Variants in PDE11A observed in about 807,000 individuals in gnomAD.
PDE11A encodes dual 3',5'-cyclic-AMP and -GMP phosphodiesterase 11A.
Under a neutral mutation model 100.5 loss-of-function variants are expected in PDE11A, and 100 were observed. The observed-to-expected ratio is 1.00, with a 90% confidence interval of 0.85 to 1.18. The LOEUF is 1.18. Ranked by LOEUF, PDE11A falls within the 50% of genes most tolerant of loss-of-function variation. The pLI, the probability that PDE11A is intolerant of heterozygous loss-of-function variation, is 0.00. For synonymous variants in PDE11A, 381 were observed against 420.8 expected (o/e 0.91, Z 1.16); for missense variants, 1,141 against 1,152.6 (o/e 0.99, Z 0.15).
chr2:177,987,177 C>T (rs536766799), intron 2 of PDE11A, among the ~76,000 whole-genome samples: 2 of 152,026 alleles, frequency 1.3e-5, no homozygotes, highest in African/African-American at 4.8e-5. Flanking sequence ...TGCTGCTTTA[C>T]GAGGGCAGCT....
At chr2:177,801,099 T>C (rs1481676120) in intron 9 of PDE11A, among the ~76,000 whole-genome samples, 1 of 152,228 alleles carries the variant, frequency 6.6e-6, no homozygotes, top group Admixed American at 6.5e-5. Flanking sequence ...GAAAACCATA[T>C]AGGCAAAATA....
chr2:177,803,446 T>C (rs2082822532), intron 9 of PDE11A, among the ~76,000 whole-genome samples: 1 of 151,790 alleles, frequency 6.6e-6, no homozygotes, highest in Non-Finnish European at 1.5e-5. Context: ...TTCCTAACAC[T>C]TTCTACAAGG....
chr2:177,969,525 G>A (rs2043548), intron 2 of PDE11A, among the ~76,000 whole-genome samples: 9,564 of 152,198 alleles, frequency 0.063, 315 homozygotes, highest in South Asian at 0.094. Flanking sequence ...GCACTATATT[G>A]TTAAGCTGTG....
At chr2:177,912,323 T>C (rs982821318) in intron 2 of PDE11A, among the ~76,000 whole-genome samples, 2 of 152,140 alleles carry the variant, frequency 1.3e-5, no homozygotes, top group Non-Finnish European at 2.9e-5. Flanking sequence ...CTTCCACTAC[T>C]CTAGCCCCTC....
At chr2:177,825,886 T>G (rs2105595571) in intron 6 of PDE11A, among the ~76,000 whole-genome samples, 1 of 152,344 alleles carries the variant, frequency 6.6e-6, no homozygotes, top group Admixed American at 6.5e-5. Flanking sequence ...ATTCTCATCT[T>G]TGTGCTTTTT....
chr2:177,788,321 A>G (rs2082572316), intron 9 of PDE11A, among the ~76,000 whole-genome samples: 1 of 144,844 alleles, frequency 6.9e-6, no homozygotes, highest in Admixed American at 6.8e-5. Flanking sequence ...GCAGAAATAA[A>G]GATGTTCTTT....
intron 3 of PDE11A, among the ~76,000 whole-genome samples, chr2:177,900,049 T>C (rs1437717486): frequency 6.6e-6 from 1 of 152,124 alleles, no homozygotes; most frequent in Non-Finnish European, 1.5e-5. Context: ...TTTTTTTGCA[T>C]TGAAATAATG....
intron 9 of PDE11A, among the ~76,000 whole-genome samples, chr2:177,784,908 G>T (rs2082510042): frequency 6.6e-6 from 1 of 152,156 alleles, no homozygotes; most frequent in African/African-American, 2.4e-5. Flanking sequence ...CTATTTGCAG[G>T]GGTCAGTGGT....
At position 177,626,905 on chromosome 2, in the gene PDE11A, T is replaced by C. The variant is rs2079841323; in HGVS notation, c.*2502A>G. The C allele has an allele frequency of 6.6e-6, 1 of 151,448 alleles. No homozygotes were observed. The allele number at this position is 151,448 out of a possible 1,614,324, so 9.4% of individuals were successfully genotyped here. On this transcript the variant is annotated 3_prime_UTR_variant, in exon 20 of 20. Coordinates refer to ENST00000286063, the MANE Select transcript of PDE11A (RefSeq NM_016953.4). ...TGTTTGGATTGACTTTCACCTTTTT[T>C]TTTTTTTTTTCATTTCCCTTAACCA...
intron 2 of PDE11A, among the ~76,000 whole-genome samples, chr2:177,915,906 G>A (rs945366681): frequency 6.6e-6 from 1 of 152,084 alleles, no homozygotes; most frequent in African/African-American, 2.4e-5. Context: ...ATCTACATCT[G>A]CTTCGCTTCA....
At chr2:177,888,456 A>G (rs1174343817) in intron 4 of PDE11A, among the ~76,000 whole-genome samples, 1 of 152,252 alleles carries the variant, frequency 6.6e-6, no homozygotes, top group Non-Finnish European at 1.5e-5. Flanking sequence ...TTCTAGATGG[A>G]TAAAAAAGAC....
intron 2 of PDE11A, among the ~76,000 whole-genome samples, chr2:177,949,531 C>T (rs147914362): frequency 6.6e-6 from 1 of 152,292 alleles, no homozygotes; most frequent in East Asian, 1.9e-4. Flanking sequence ...TTCAGAGCTT[C>T]TCCAGCCTGC....
intron 2 of PDE11A, among the ~76,000 whole-genome samples, chr2:178,012,758 T>C (rs2086287019): frequency 6.6e-6 from 1 of 152,018 alleles, no homozygotes; most frequent in Non-Finnish European, 1.5e-5. Context: ...ATATAATGAG[T>C]TCCTTTTAAA....
intron 10 of PDE11A, among the ~76,000 whole-genome samples, chr2:177,756,519 G>GA (rs2082092448): frequency 2.0e-5 from 3 of 152,170 alleles, no homozygotes; most frequent in Admixed American, 1.3e-4. Flanking sequence ...GTGGTTTACG[G>GA]AGTTGTTTGA....
In PDE11A at chr2:178,086,173, C is replaced by T. The variant is rs564906769; in HGVS notation, c.162+18129G>A. Among the ~76,000 whole-genome samples, 35 of 152,318 alleles carry T rather than the reference C, an allele frequency of 2.3e-4. No homozygotes were observed. The South Asian group carries it at 6.4e-3, about 28-fold the overall frequency. ...TCTCTCTGCATAAGGTTTCTCCACACGCTGTTTCCAGCAGGACTGCCGACC... is the reference window on the plus strand; with the variant it reads ...TCTCTCTGCATAAGGTTTCTCCACATGCTGTTTCCAGCAGGACTGCCGACC... On this transcript the variant is annotated intron_variant, in intron 2 of 20. Coordinates refer to the PDE11A transcript ENST00000358450.
At chr2:177,988,117 G>A (rs2085962167) in intron 2 of PDE11A, among the ~76,000 whole-genome samples, 1 of 152,136 alleles carries the variant, frequency 6.6e-6, no homozygotes, top group Admixed American at 6.6e-5. Flanking sequence ...AGCAACCCAG[G>A]CCTGGATCAA....
chr2:177,902,125 G>A (rs1277217531), intron 3 of PDE11A, among the ~76,000 whole-genome samples: 1 of 152,184 alleles, frequency 6.6e-6, no homozygotes, highest in Non-Finnish European at 1.5e-5. Flanking sequence ...TATACATCCA[G>A]ATGGTCTGAA....
At chr2:177,991,740 T>C (rs1264315290) in intron 2 of PDE11A, among the ~76,000 whole-genome samples, 1 of 151,214 alleles carries the variant, frequency 6.6e-6, no homozygotes, top group Non-Finnish European at 1.5e-5. Flanking sequence ...AACTTTTTCA[T>C]GGCTGGTCAG....
intron 19 of PDE11A, among the ~76,000 whole-genome samples, chr2:177,645,329 G>A (rs923706218): frequency 6.6e-6 from 1 of 152,160 alleles, no homozygotes; most frequent in Non-Finnish European, 1.5e-5. Flanking sequence ...GGAATTTCAG[G>A]TGTGTGTCAC....
Sources: allele counts gnomAD v4.1 joint callset (sites outside exome capture counted in the v4.1 genomes callset), GRCh38; gene constraint gnomAD v4.1.1; transcripts MANE v1.5; gene names NCBI Gene and HGNC (gene_info 2026-07-23, HGNC 2026-07-21).